Variants in LAMC3 observed in about 807,000 individuals in gnomAD.
The protein encoded by LAMC3 is laminin subunit gamma-3.
Under a neutral mutation model 173.8 loss-of-function variants are expected in LAMC3, and 128 were observed. The observed-to-expected ratio is 0.74, with a 90% CI of 0.64 to 0.85. The LOEUF is 0.85. Among genes scored for constraint, LAMC3 ranks in the 40% least tolerant of loss-of-function variants. The probability of loss-of-function intolerance (pLI) is 0.00; values close to 1 mark genes in which losing one functional copy is unlikely to be tolerated. For synonymous variants in LAMC3, 897 were observed against 909.1 expected (o/e 0.99, Z 0.24); for missense variants, 2,022 against 2,156.0 (o/e 0.94, Z 1.23).
At chr9:131,014,257 T>C (rs2133203925) in intron 1 of LAMC3, among the ~76,000 whole-genome samples, 1 of 152,326 alleles carries the variant, frequency 6.6e-6, no homozygotes, top group East Asian at 1.9e-4. Flanking sequence ...CGAGGCACTC[T>C]CTCTCCTCCA....
Position 131,022,243 on chromosome 9 carries a change from C to CAT in LAMC3, c.374-4035_374-4034dup, listed in dbSNP as rs1021497284. ...ACACACACACACACACACACACACACATATATATGTATTTTTTTAATAGAG... is the reference window on the plus strand; with the variant it reads ...ACACACACACACACACACACACACACATATATATATGTATTTTTTTAATAGAG... On this transcript the variant is annotated intron_variant, in intron 1 of 27. Transcript: ENST00000361069. Among the ~76,000 whole-genome samples, 8 of 151,504 alleles carry CAT rather than the reference C, an allele frequency of 5.3e-5. No individual in the cohort carries two copies. In the East Asian group the frequency reaches 5.8e-4, roughly 11 times the overall value.
Position 131,009,602 on chromosome 9 carries a change from G to A in LAMC3, c.373+15G>A, listed in dbSNP as rs756561462. 1.9e-6 allele frequency: 3 copies of A among 1,562,802 alleles called. No individual in the cohort carries two copies. The highest frequency in any genetic ancestry group is 2.4e-5 in the East Asian group (1 of 41,948). Reference sequence around the variant, plus strand: ...CCTCCGCCTAGGTAAGCGCGGGCTGGGGGCACCGCCACCGCACCCCGTGTC... The same window carrying A: ...CCTCCGCCTAGGTAAGCGCGGGCTGAGGGCACCGCCACCGCACCCCGTGTC... On this transcript the variant is annotated intron_variant, in intron 1 of 27. Coordinates refer to ENST00000361069, the MANE Select transcript of LAMC3 (RefSeq NM_006059.4). This position sits in a 1 kb window ranked among gnomAD's most constrained non-coding sequence, Gnocchi z 4.3.
intron 13 of LAMC3, among the ~76,000 whole-genome samples, chr9:131,066,016 A>G (rs779598892): frequency 6.6e-5 from 10 of 152,184 alleles, no homozygotes; most frequent in Non-Finnish European, 1.5e-4. Flanking sequence ...AATGTGGCGA[A>G]ACCCCATCTC....
At chr9:131,090,991 A>T (rs2133357245) in intron 27 of LAMC3, among the ~76,000 whole-genome samples, 1 of 152,356 alleles carries the variant, frequency 6.6e-6, no homozygotes, top group South Asian at 2.1e-4. Context: ...ACTGCACTCC[A>T]GCCTGGACAA....
chr9:131,086,046 GTTTA>G (rs1830325712), intron 25 of LAMC3, among the ~76,000 whole-genome samples: 1 of 152,124 alleles, frequency 6.6e-6, no homozygotes, highest in Non-Finnish European at 1.5e-5. Flanking sequence ...TGAAGTTTGC[GTTTA>G]TTTATTTTAC....
At chr9:131,013,829 A>G (rs1261303518) in intron 1 of LAMC3, among the ~76,000 whole-genome samples, 1 of 151,924 alleles carries the variant, frequency 6.6e-6, no homozygotes, top group Non-Finnish European at 1.5e-5. Context: ...GGTGCTGGAC[A>G]TTAGGGGGAC....
At chr9:131,046,130 G>GCCA (rs1447635108) in intron 8 of LAMC3, among the ~76,000 whole-genome samples, 1 of 151,152 alleles carries the variant, frequency 6.6e-6, no homozygotes, top group East Asian at 1.9e-4. Flanking sequence ...CTTGCCTGAG[G>GCCA]CCACATAACA....
At chr9:131,040,239 G>A (rs890768966) in intron 6 of LAMC3, among the ~76,000 whole-genome samples, 22 of 151,526 alleles carry the variant, frequency 1.5e-4, no homozygotes, top group South Asian at 4.2e-4. Context: ...GTGCAGTGGC[G>A]CGATCTCTAC....
chr9:131,061,139 T>C lies in LAMC3; in HGVS notation c.2263T>C (p.Cys755Arg). The change falls in exon 13 of 28, where the codon TGT becomes CGT. Residue 755 changes from cysteine (C) to arginine (R), a missense_variant. Physicochemically the swap from Cys to Arg is radical, Grantham distance 180. Transcript: ENST00000361069. Reference sequence around the variant, plus strand: ...GGGCCAAGCCGACGACTGCCAGCCCTGTCCCTGCCCTGGCCAGTCGGCCTG... The same window carrying C: ...GGGCCAAGCCGACGACTGCCAGCCCCGTCCCTGCCCTGGCCAGTCGGCCTG... ...FAGQADDCQP[C>R]PCPGQSACTT... The C allele has an allele frequency of 1.9e-6, 3 of 1,613,628 alleles. No homozygotes were observed. The highest frequency in any genetic ancestry group is 2.5e-6 in the Non-Finnish European group (3 of 1,180,010).
intron 23 of LAMC3, 116 bp downstream of exon 23, chr9:131,079,414 G>A (rs1040017134): frequency 1.2e-5 from 16 of 1,284,880 alleles, no homozygotes; most frequent in Middle Eastern, 1.9e-4. Flanking sequence ...GCTCTGTCCG[G>A]CCGGGTGTAG....
chr9:131,084,680 T>A (rs1830299371), intron 24 of LAMC3, among the ~76,000 whole-genome samples: 1 of 151,950 alleles, frequency 6.6e-6, no homozygotes, highest in African/African-American at 2.4e-5. Flanking sequence ...GTGGATCACT[T>A]AAAGCCAGGA....
intron 14 of LAMC3, 149 bp downstream of exon 14, chr9:131,067,354 C>T (rs946838118): frequency 3.2e-6 from 3 of 935,558 alleles, no homozygotes; most frequent in African/African-American, 3.2e-5. Context: ...GGTCACTTCC[C>T]TTCCTGTCTC....
chr9:131,088,071 G>A (rs1830361909), intron 27 of LAMC3, among the ~76,000 whole-genome samples: 1 of 152,194 alleles, frequency 6.6e-6, no homozygotes, highest in Non-Finnish European at 1.5e-5. Flanking sequence ...TCTATTCTTT[G>A]GGGCAGGGCA....
chr9:131,040,578 T>A (rs1323497096), intron 6 of LAMC3, among the ~76,000 whole-genome samples: 1 of 152,152 alleles, frequency 6.6e-6, no homozygotes, highest in Admixed American at 6.5e-5. Flanking sequence ...GAGCTCTGAT[T>A]CCTTGTAAAA....
chr9:131,013,189 CA>C (rs1833455777), intron 1 of LAMC3, among the ~76,000 whole-genome samples: 1 of 152,204 alleles, frequency 6.6e-6, no homozygotes, highest in Admixed American at 6.5e-5. Context: ...TGGGGTCGCA[CA>C]ACTCAATAAA....
At chr9:131,012,698 C>T (rs1014183319) in intron 1 of LAMC3, among the ~76,000 whole-genome samples, 3 of 152,170 alleles carry the variant, frequency 2.0e-5, no homozygotes, top group Non-Finnish European at 2.9e-5. Context: ...CTGTGGAGGC[C>T]GTCTGATGAC....
intron 1 of LAMC3, among the ~76,000 whole-genome samples, chr9:131,021,975 T>C (rs919104099): frequency 6.6e-6 from 1 of 152,208 alleles, no homozygotes. Flanking sequence ...AGAAGCTCCC[T>C]GAACCCTGTC....
At position 131,045,229 on chromosome 9, in the gene LAMC3, A is replaced by AC. The variant is rs58368094; in HGVS notation, c.1383-295_1383-294insC. Among the ~76,000 whole-genome samples, 29,157 of 117,938 alleles carry AC rather than the reference A, an allele frequency of 0.25. 3,625 individuals are homozygous for AC. Among genetic ancestry groups the AC allele is most frequent in the Non-Finnish European group, 0.31 (17,156 of 55,592 alleles). 77.4% of individuals were successfully genotyped at this position (117,938 alleles called of 152,430 possible). On this transcript the variant is annotated intron_variant, in intron 7 of 27. Transcript: ENST00000361069. ...AGAACAAGACTCTGTCTCAAAAAAA[A>AC]AAAAAAACAACAACAACAAAAAAAC...
At chr9:131,033,245 T>G (rs754920931) in intron 3 of LAMC3, among the ~76,000 whole-genome samples, 2 of 152,222 alleles carry the variant, frequency 1.3e-5, no homozygotes, top group Non-Finnish European at 2.9e-5. Context: ...CATGAACAGC[T>G]TCCACGTCAG....
Sources: allele counts gnomAD v4.1 joint callset (sites outside exome capture counted in the v4.1 genomes callset), GRCh38; gene constraint gnomAD v4.1.1; non-coding constraint Gnocchi (gnomAD v3.1); transcripts MANE v1.5; gene names NCBI Gene and HGNC (gene_info 2026-07-23, HGNC 2026-07-21).